Variants in PPM1E observed in about 807,000 individuals in gnomAD.
PPM1E encodes protein phosphatase, Mg2+/Mn2+ dependent 1E.
A neutral mutation model predicts 65.9 loss-of-function variants in PPM1E; 20 were observed. The ratio of observed to expected loss-of-function variants is 0.30; its 90% confidence interval spans 0.21 to 0.44. The LOEUF is 0.44. Ranked by LOEUF, PPM1E falls within the 20% of genes least tolerant of loss-of-function variation. The pLI is 1.00. For synonymous variants in PPM1E, 352 were observed against 374.9 expected, an observed-to-expected ratio of 0.94 and a Z score of 0.70; for missense variants, 713 against 953.1, an observed-to-expected ratio of 0.75 and a Z score of 3.32.
In PPM1E at chr17:58,930,250, TACACAC is replaced by T. The variant is rs377147999; in HGVS notation, c.465-25369_465-25364del. Among the ~76,000 whole-genome samples the T allele has an allele frequency of 9.8e-4, 140 of 143,306 alleles. 1 individual carries two copies. Among genetic ancestry groups the T allele is most frequent in the African/African-American group, 2.1e-3 (83 of 39,026 alleles). 94.0% of individuals were successfully genotyped at this position (143,306 alleles called of 152,430 possible). A position where few individuals can be genotyped will look rare whatever the true frequency, so the allele number is the denominator to read the frequency against. On this transcript the variant is annotated intron_variant, in intron 1 of 6. Transcript: ENST00000308249. ...ACCTCTACAATAAATTAAATGTATA[TACACAC>T]ACACACACACACACACACACACACA... is the stretch of plus-strand genomic sequence containing the variant.
chr17:58,883,430 A>G (rs982862633), intron 1 of PPM1E, among the ~76,000 whole-genome samples: 5 of 103,088 alleles, frequency 4.9e-5, no homozygotes, highest in African/African-American at 1.1e-4. Context: ...TTTAGTCTCT[A>G]TTTTCCAAAT....
At chr17:58,896,884 C>G (rs2051425009) in intron 1 of PPM1E, among the ~76,000 whole-genome samples, 1 of 152,150 alleles carries the variant, frequency 6.6e-6, no homozygotes, top group African/African-American at 2.4e-5. Flanking sequence ...CTTCAAAGGA[C>G]AGGCTGACTC....
intron 1 of PPM1E, among the ~76,000 whole-genome samples, chr17:58,850,669 T>G (rs1363678263): frequency 6.6e-6 from 1 of 152,232 alleles, no homozygotes; most frequent in East Asian, 1.9e-4. Flanking sequence ...TGGGCTTCCC[T>G]TTGTGAGTAA....
intron 1 of PPM1E, among the ~76,000 whole-genome samples, chr17:58,845,720 C>A (rs143615974): frequency 6.6e-6 from 1 of 152,246 alleles, no homozygotes; most frequent in Non-Finnish European, 1.5e-5. Flanking sequence ...CTCGCTCTGT[C>A]GCTAGGCTGG....
chr17:58,756,417 G>T lies in PPM1E; in HGVS notation c.420G>T (p.Val140=), dbSNP rs1334697404. The change falls in exon 1 of 7, where the codon GTG becomes GTT. Residue 140 remains valine (V), a synonymous_variant. Coordinates refer to ENST00000308249, the MANE Select transcript of PPM1E (RefSeq NM_014906.5). ...PLSERITREE[V]EGESLDLCLQ... is the part of the protein sequence containing the mutation. ...CAGAGCGCATCACCCGCGAGGAGGT[G>T]GAGGGCGAAAGCCTGGACCTGTGCC... 4 of 1,356,364 alleles carry T rather than the reference G, an allele frequency of 2.9e-6. No individual in the cohort carries two copies. Among genetic ancestry groups the T allele is most frequent in the Non-Finnish European group, 3.8e-6 (4 of 1,057,866 alleles). The allele number at this position is 1,356,364 out of a possible 1,614,324, so 84.0% of individuals were successfully genotyped here.
chr17:58,859,563 C>G, intron 1 of PPM1E, among the ~76,000 whole-genome samples: 1 of 152,218 alleles, frequency 6.6e-6, no homozygotes, highest in East Asian at 1.9e-4. Flanking sequence ...GACTGTAAAG[C>G]AAATAGAGTA....
chr17:58,805,938 G>A (rs1421685017), intron 1 of PPM1E, among the ~76,000 whole-genome samples: 1 of 120,950 alleles, frequency 8.3e-6, no homozygotes, highest in African/African-American at 3.4e-5. Flanking sequence ...AGGAGGTTCA[G>A]GCTGTTCTGC....
Position 58,980,728 on chromosome 17 carries a change from A to G in PPM1E, c.1965A>G (p.Glu655=), listed in dbSNP as rs2031306275. The G allele has an allele frequency of 6.2e-7, 1 of 1,614,108 alleles. No individual in the cohort carries two copies. The highest frequency in any genetic ancestry group is 1.1e-5 in the South Asian group (1 of 91,086). The part of the protein sequence containing the change: ...LSPVCSGLEN[E]QFKSPGNRVS... Reference sequence around the variant, plus strand: ...CTGTCTGTTCAGGGTTGGAAAATGAACAGTTCAAATCCCCGGGAAACAGAG... The same window carrying G: ...CTGTCTGTTCAGGGTTGGAAAATGAGCAGTTCAAATCCCCGGGAAACAGAG... The change falls in exon 7 of 7, where the codon GAA becomes GAG. Residue 655 remains glutamate, a synonymous_variant. Transcript: ENST00000308249. The surrounding 1 kb of genome is among the most constrained non-coding windows in gnomAD (Gnocchi z 4.7).
chr17:58,809,337 C>T (rs560337863), intron 1 of PPM1E, among the ~76,000 whole-genome samples: 1 of 152,256 alleles, frequency 6.6e-6, no homozygotes, highest in South Asian at 2.1e-4. Flanking sequence ...GATCCTCCCA[C>T]CTTAGCCTCC....
chr17:58,957,805 C>T (rs1366843658), intron 2 of PPM1E, among the ~76,000 whole-genome samples: 1 of 152,160 alleles, frequency 6.6e-6, no homozygotes. Flanking sequence ...TCACTTGGTA[C>T]ACATTTAGTT....
chr17:58,979,970 G>A lies in PPM1E; in HGVS notation c.1211-4G>A, dbSNP rs1382561249. 9 of 1,606,702 alleles carry A rather than the reference G, an allele frequency of 5.6e-6. No homozygotes were observed. The highest frequency in any genetic ancestry group is 1.7e-5 in the Admixed American group (1 of 59,546). On this transcript the variant is annotated splice_region_variant and splice_polypyrimidine_tract_variant and intron_variant, in intron 6 of 6. Transcript: ENST00000308249. ...ATGATGCCCCTACACTCTGCTTCCC[G>A]CAGGAGATGCTGAACATAAGCCATA...
intron 1 of PPM1E, 26 bp downstream of exon 1, chr17:58,756,487 G>A (rs1284167448): frequency 1.6e-6 from 2 of 1,268,180 alleles, no homozygotes; most frequent in East Asian, 3.2e-5. Context: ...TTGGCTGGTG[G>A]TGGGCCCGCG....
chr17:58,950,180 GGTGAAACCCT>G (rs111314820), intron 1 of PPM1E, among the ~76,000 whole-genome samples: 11,206 of 152,212 alleles, frequency 0.074, 922 homozygotes, highest in African/African-American at 0.21. Flanking sequence ...TGACCAACAT[GGTGAAACCCT>G]GTCTCTACTA....
intron 1 of PPM1E, among the ~76,000 whole-genome samples, chr17:58,927,748 C>G (rs901371916): frequency 1.3e-5 from 2 of 151,780 alleles, no homozygotes; most frequent in African/African-American, 2.4e-5. Context: ...CTCCACAAAA[C>G]ATTTTAAAAA....
chr17:58,775,852 T>TGCA (rs2049988281), intron 1 of PPM1E, among the ~76,000 whole-genome samples: 1 of 134,436 alleles, frequency 7.4e-6, no homozygotes, highest in Non-Finnish European at 1.5e-5. Context: ...AAGCAGAGCT[T>TGCA]GCAGTGAGCC....
intron 1 of PPM1E, among the ~76,000 whole-genome samples, chr17:58,831,803 T>C (rs1310414814): frequency 6.6e-6 from 1 of 152,220 alleles, no homozygotes; most frequent in Non-Finnish European, 1.5e-5. Context: ...TATTTGTTAA[T>C]CTTTTTTGTC....
intron 1 of PPM1E, among the ~76,000 whole-genome samples, chr17:58,811,568 T>C (rs190868489): frequency 6.6e-6 from 1 of 152,392 alleles, no homozygotes; most frequent in African/African-American, 2.4e-5. Flanking sequence ...TTAACTGTTA[T>C]GTTAAACTGT....
chr17:58,902,156 T>C (rs2051506358), intron 1 of PPM1E, among the ~76,000 whole-genome samples: 1 of 151,832 alleles, frequency 6.6e-6, no homozygotes, highest in African/African-American at 2.4e-5. Flanking sequence ...GGAGAAAAAA[T>C]TAAAAAAAAT....
intron 1 of PPM1E, among the ~76,000 whole-genome samples, chr17:58,944,497 C>A (rs1198104588): frequency 1.3e-5 from 2 of 152,096 alleles, no homozygotes; most frequent in Non-Finnish European, 2.9e-5. Flanking sequence ...ATTCCCACCA[C>A]CCCTCCAGCC....
Sources: allele counts gnomAD v4.1 joint callset (sites outside exome capture counted in the v4.1 genomes callset), GRCh38; gene constraint gnomAD v4.1.1; non-coding constraint Gnocchi (gnomAD v3.1); transcripts MANE v1.5; gene names NCBI Gene and HGNC (gene_info 2026-07-23, HGNC 2026-07-21).